KDM3B: variants seen among roughly 807,000 people sequenced by gnomAD.
KDM3B encodes the protein lysine demethylase 3B, also known as lysine-specific demethylase 3B.
KDM3B carries 10 observed loss-of-function variants against 170.0 expected under a neutral mutation model. The observed-to-expected ratio is 0.06, with a 90% CI of 0.04 to 0.10. The LOEUF (loss-of-function observed/expected upper bound fraction) is 0.10. Among genes scored for constraint, KDM3B ranks in the 10% least tolerant of loss-of-function variants. The probability of loss-of-function intolerance (pLI) is 1.00; values close to 1 mark genes in which losing one functional copy is unlikely to be tolerated. For missense variants in KDM3B, 1,394 were observed against 2,195.2 expected, an observed-to-expected ratio of 0.64 and a Z score of 7.29; for synonymous variants, 831 against 834.8, an observed-to-expected ratio of 1.00 and a Z score of 0.08.
At position 138,391,450 on chromosome 5, in the gene KDM3B, A is replaced by C; in HGVS notation, c.1818A>C (p.Pro606=). The C allele has an allele frequency of 6.2e-7, 1 of 1,614,064 alleles. No homozygotes were observed. Among genetic ancestry groups the C allele is most frequent in the Non-Finnish European group, 8.5e-7 (1 of 1,179,992 alleles). ...TGCCCACCCTCACTCCAGCCTTCCCACGGAGCCTCCTAAATGCCCGTACCC... is the reference window on the plus strand; with the variant it reads ...TGCCCACCCTCACTCCAGCCTTCCCCCGGAGCCTCCTAAATGCCCGTACCC... ...ESMPTLTPAF[P]RSLLNARTPE... The change falls in exon 8 of 24, where the codon CCA becomes CCC. Residue 606 remains proline, a synonymous_variant. Transcript: ENST00000314358. This position sits in a 1 kb window ranked among gnomAD's most constrained non-coding sequence, Gnocchi z 5.0.
intron 23 of KDM3B, among the ~76,000 whole-genome samples, chr5:138,432,640 G>C (rs2127009795): frequency 6.6e-6 from 1 of 152,180 alleles, no homozygotes; most frequent in African/African-American, 2.4e-5. Context: ...CTGCACTCCA[G>C]CCTGGGCGAC....
intron 7 of KDM3B, among the ~76,000 whole-genome samples, chr5:138,389,979 C>T (rs1473867117): frequency 6.6e-6 from 1 of 152,052 alleles, no homozygotes; most frequent in East Asian, 1.9e-4. Flanking sequence ...CCTGCCTCAG[C>T]CTTCCGAGTA....
At chr5:138,397,986 A>C (rs763681820) in intron 9 of KDM3B, 192 bp from the exon 10 acceptor site, 14 of 538,858 alleles carry the variant, frequency 2.6e-5, no homozygotes, top group Non-Finnish European at 4.3e-5. Context: ...TTTTTAAAGA[A>C]TCTAGACCTA....
chr5:138,415,961 C>T (rs1763093066), intron 12 of KDM3B, among the ~76,000 whole-genome samples: 1 of 152,198 alleles, frequency 6.6e-6, no homozygotes, highest in Admixed American at 6.5e-5. Flanking sequence ...TGTGGTAGCT[C>T]ATGCCTGTAA....
chr5:138,423,321 T>C (rs10040792), intron 15 of KDM3B, among the ~76,000 whole-genome samples: 91,190 of 152,122 alleles, frequency 0.6, 27,674 homozygotes, highest in East Asian at 0.85. Flanking sequence ...TTCATCATAC[T>C]GCCAGTTCTT....
Position 138,392,255 on chromosome 5 carries a change from CT to C in KDM3B, c.2624del (p.Leu875ArgfsTer8). On this transcript the variant is annotated frameshift_variant, in exon 8 of 24. Coordinates refer to ENST00000314358, the MANE Select transcript of KDM3B (RefSeq NM_016604.4). LOFTEE classifies it high-confidence loss of function. ...CAAGGGCCGGCCTCGGACTGCCCCC[CT>C]GAAAGGTGATCCTGCTGGGGCTATA... ...APKGRPRTAP[L>X]KVGQSVLKDV... is the part of the protein sequence containing the mutation. 1 of 1,489,278 alleles carries C rather than the reference CT, an allele frequency of 6.7e-7. No homozygotes were observed. The highest frequency in any genetic ancestry group is 8.9e-7 in the Non-Finnish European group (1 of 1,117,842). 92.3% of individuals were successfully genotyped at this position (1,489,278 alleles called of 1,614,324 possible).
chr5:138,399,569 T>C (rs1762631501), intron 10 of KDM3B, among the ~76,000 whole-genome samples: 1 of 151,838 alleles, frequency 6.6e-6, no homozygotes, highest in Non-Finnish European at 1.5e-5. Flanking sequence ...TTTTTACAAT[T>C]CCTTAAGTGA....
intron 3 of KDM3B, 87 bp from the exon 4 acceptor site, chr5:138,377,633 G>A: frequency 3.3e-6 from 3 of 906,674 alleles, no homozygotes; most frequent in Non-Finnish European, 5.4e-6. Context: ...TTGATATACA[G>A]CTCCTTAGGA....
Position 138,415,259 on chromosome 5 carries a change from A to G in KDM3B, c.3307+20A>G. The G allele has an allele frequency of 3.3e-6, 5 of 1,517,212 alleles. No individual in the cohort carries two copies. Among genetic ancestry groups the G allele is most frequent in the Non-Finnish European group, 4.6e-6 (5 of 1,098,292 alleles). The allele number at this position is 1,517,212 out of a possible 1,614,324, so 94.0% of individuals were successfully genotyped here. ...GCACAGGTAAGGAAATTCCTTTTTT[A>G]GATTTGGTGGAAGAAATGTTTTTAG... is the stretch of plus-strand genomic sequence containing the variant. On this transcript the variant is annotated intron_variant, in intron 12 of 23. Coordinates refer to ENST00000314358, the MANE Select transcript of KDM3B (RefSeq NM_016604.4).
At chr5:138,383,159 G>A (rs944040838) in intron 6 of KDM3B, among the ~76,000 whole-genome samples, 1 of 150,952 alleles carries the variant, frequency 6.6e-6, no homozygotes, top group Admixed American at 6.6e-5. Context: ...TTTTTTTTGA[G>A]ATGGAGTCTT....
chr5:138,412,063 CG>C (rs1208207606), intron 11 of KDM3B, among the ~76,000 whole-genome samples: 2 of 150,250 alleles, frequency 1.3e-5, no homozygotes, highest in Non-Finnish European at 3.0e-5. Context: ...AAGCTGGGCA[CG>C]GTGGCTCATG....
rs1185346574 is a variant in KDM3B at position 138,386,013 on chromosome 5, G to T, written c.781-9G>T. 65 of 1,574,208 alleles carry T rather than the reference G, an allele frequency of 4.1e-5. No homozygotes were observed. The Admixed American group carries it at 6.0e-4, about 15-fold the overall frequency. On this transcript the variant is annotated splice_polypyrimidine_tract_variant and intron_variant, in intron 6 of 23. Transcript: ENST00000314358. ...TTCCTTGTAATCTTTTTTGAATTTT[G>T]TTTTGTAGGGGGGTACGTTAAAAGC...
intron 21 of KDM3B, 116 bp from the exon 22 acceptor site, chr5:138,430,133 G>C: frequency 7.3e-7 from 1 of 1,367,870 alleles, no homozygotes; most frequent in Non-Finnish European, 1.0e-6. Flanking sequence ...AGAGGATGTT[G>C]ACTAGAATAA....
chr5:138,417,383 G>T, intron 12 of KDM3B, 100 bp from the exon 13 acceptor site: 1 of 1,153,726 alleles, frequency 8.7e-7, no homozygotes. Flanking sequence ...ATTGAAATGT[G>T]GTAAGGATTG....
chr5:138,419,017 C>T lies in KDM3B; in HGVS notation c.3500C>T (p.Pro1167Leu), dbSNP rs528636129. ...NETTFSGGGGPAPVTTPEPDH... is the reference protein window; with the variant it reads ...NETTFSGGGGLAPVTTPEPDH... ...ACTACCTTCTCTGGTGGAGGAGGAC[C>T]GGCACCAGTAACAACTCCAGAGCCG... Residue 1167 changes from proline to leucine, a missense_variant, in exon 14 of 24, where the codon CCG (proline) becomes CTG (leucine). Pro to Leu is a moderately conservative substitution (Grantham distance 98). Around this residue, in one of 19 missense-constraint regions of KDM3B, gnomAD observed 87 missense variants for 83.3 expected, o/e 1.04. Transcript: ENST00000314358. The T allele has an allele frequency of 3.0e-5, 49 of 1,614,152 alleles. No homozygotes were observed. The highest frequency in any genetic ancestry group is 3.5e-5 in the Non-Finnish European group (41 of 1,180,020).
At chr5:138,427,905 T>A in intron 19 of KDM3B, 62 bp from the exon 20 acceptor site, 1 of 1,517,110 alleles carries the variant, frequency 6.6e-7, no homozygotes, top group Non-Finnish European at 9.1e-7. Context: ...TCAGATGTAG[T>A]GTCGACGTGG....
In KDM3B at chr5:138,385,896, A is replaced by ACTGGCATTGGAACTTGGC. The variant is rs1363171392; in HGVS notation, c.781-125_781-108dup. 33 of 1,049,996 alleles carry ACTGGCATTGGAACTTGGC rather than the reference A, an allele frequency of 3.1e-5. No individual in the cohort carries two copies. The African/African-American group carries it at 5.1e-4, about 16-fold the overall frequency. 65.0% of individuals were successfully genotyped at this position (1,049,996 alleles called of 1,614,324 possible). On this transcript the variant is annotated intron_variant, in intron 6 of 23. Coordinates refer to ENST00000314358, the MANE Select transcript of KDM3B (RefSeq NM_016604.4). Reference sequence around the variant, plus strand: ...CTTTTAACAAAGGGGATGTTTTAGAACTGGCATTGGAACTTGGCAGTCTAT... The same window carrying ACTGGCATTGGAACTTGGC: ...CTTTTAACAAAGGGGATGTTTTAGAACTGGCATTGGAACTTGGCCTGGCATTGGAACTTGGCAGTCTAT...
intron 5 of KDM3B, 73 bp from the exon 6 acceptor site, chr5:138,381,443 C>A: frequency 1.1e-6 from 1 of 950,164 alleles, no homozygotes; most frequent in South Asian, 1.4e-5. Flanking sequence ...GAGATAATTA[C>A]ATTGATTAGG....
Position 138,381,844 on chromosome 5 carries a change from C to G in KDM3B, c.780+254C>G, listed in dbSNP as rs1027734686. The G allele has an allele frequency of 3.2e-5, 13 of 410,866 alleles. No homozygotes were observed. In the South Asian group the frequency reaches 7.3e-4, roughly 23 times the overall value. The allele number at this position is 410,866 out of a possible 1,614,324, so 25.5% of individuals were successfully genotyped here. On this transcript the variant is annotated intron_variant, in intron 6 of 23. Transcript: ENST00000314358. The stretch of plus-strand genomic sequence containing the variant: ...TCTAAAGTGCAAGGCTGGTTTCTTC[C>G]TATATTCTGTCAGGACAGGTATATT...
Sources: allele counts gnomAD v4.1 joint callset (sites outside exome capture counted in the v4.1 genomes callset), GRCh38; gene constraint gnomAD v4.1.1; regional missense constraint gnomAD v4.1.1; non-coding constraint Gnocchi (gnomAD v3.1); transcripts MANE v1.5; gene names NCBI Gene and HGNC (gene_info 2026-07-23, HGNC 2026-07-21).